Variants in BRME1 observed in about 807,000 individuals in gnomAD.
The protein encoded by BRME1 is break repair meiotic recombinase recruitment factor 1, also known as BRCA2 and MEILB2-associating protein 1.
In BRME1, 31 loss-of-function variants were observed where a neutral mutation model predicts 52.6. The ratio of observed to expected loss-of-function variants is 0.59; its 90% CI spans 0.44 to 0.80. The LOEUF (loss-of-function observed/expected upper bound fraction) is 0.80, where lower values mean the gene tolerates loss of function less well. Among genes scored for constraint, BRME1 ranks in the 30% least tolerant of loss-of-function variants. BRME1 has a pLI of 0.00. For missense variants in BRME1, 804 were observed against 860.3 expected (o/e 0.93, Z 0.82); for synonymous variants, 359 against 353.6 (o/e 1.02, Z -0.17).
At chr19:13,886,958 G>T (rs1407813683) in intron 6 of BRME1, among the ~76,000 whole-genome samples, 1 of 152,042 alleles carries the variant, frequency 6.6e-6, no homozygotes, top group Admixed American at 6.6e-5. Flanking sequence ...ACAGAGCAAG[G>T]CCCTGTCTCT....
intron 2 of BRME1, among the ~76,000 whole-genome samples, chr19:13,897,087 G>C (rs1969959461): frequency 6.8e-6 from 1 of 146,706 alleles, no homozygotes; most frequent in African/African-American, 2.6e-5. Context: ...TCACCAGGCT[G>C]GAGTGCAATG....
rs1969236491 is a variant in BRME1 at position 13,888,947 on chromosome 19, C to A, written c.1668+241G>T. On this transcript the variant is annotated intron_variant, in intron 6 of 8. Transcript: ENST00000586783. This position sits in a 1 kb window ranked among gnomAD's most constrained non-coding sequence, Gnocchi z 4.1. ...GTGGGGGGCCCGGCTGAGAAAGCAG[C>A]TGTGTGTCACCATCCCTAGATATGT... Among the ~76,000 whole-genome samples the A allele has an allele frequency of 6.6e-6, 1 of 152,188 alleles. No homozygotes were observed.
intron 2 of BRME1, among the ~76,000 whole-genome samples, chr19:13,895,762 G>C (rs1969846992): frequency 1.3e-5 from 2 of 152,292 alleles, no homozygotes; most frequent in South Asian, 4.1e-4. Flanking sequence ...ACACCACCAA[G>C]GGCAGACAAG....
Position 13,882,935 on chromosome 19 carries a change from G to C in BRME1, c.1874C>G (p.Thr625Ser). 1 of 1,613,182 alleles carries C rather than the reference G, an allele frequency of 6.2e-7. No homozygotes were observed. Among genetic ancestry groups the C allele is most frequent in the Non-Finnish European group, 8.5e-7 (1 of 1,179,840 alleles). Residue 625 changes from threonine to serine, a missense_variant, in exon 9 of 9, where the codon ACC becomes AGC. By Grantham distance (58) the Thr-to-Ser change is moderately conservative (BLOSUM62 1). This residue lies in a region of BRME1 where 552 missense variants were observed against 561.1 expected (regional missense o/e 0.98). Transcript: ENST00000586783. The part of the protein sequence containing the change: ...LSNLNRLIMG[T>S]HRDLEAFKRL... ...CTTGAAAGCTTCCAGGTCCCGGTGG[G>C]TGCCCATGATCAGCCGGCTGTGGGG...
chr19:13,883,478 C>A lies in BRME1; in HGVS notation c.1764-78G>T. The A allele has an allele frequency of 9.3e-7, 1 of 1,076,614 alleles. No homozygotes were observed. Among genetic ancestry groups the A allele is most frequent in the Non-Finnish European group, 1.4e-6 (1 of 733,712 alleles). 66.7% of individuals were successfully genotyped at this position (1,076,614 alleles called of 1,614,324 possible). ...AGCTCTCCAGTGGGAGGGGCTTCCG[C>A]AGGGCCTCGCGCCATCTTTTCCAGG... is the stretch of plus-strand genomic sequence containing the variant. On this transcript the variant is annotated intron_variant, in intron 7 of 8. Transcript: ENST00000586783. The surrounding 1 kb of genome is among the most constrained non-coding windows in gnomAD (Gnocchi z 4.2).
chr19:13,897,448 C>T (rs887406810), intron 2 of BRME1, among the ~76,000 whole-genome samples: 2 of 152,194 alleles, frequency 1.3e-5, no homozygotes, highest in African/African-American at 4.8e-5. Flanking sequence ...GAGTTCCACA[C>T]CAGATGCTGT....
chr19:13,885,262 G>A (rs2145111996), intron 7 of BRME1: 1 of 152,470 alleles, frequency 6.6e-6, no homozygotes, highest in East Asian at 1.9e-4. Flanking sequence ...ACAGAAACTT[G>A]GCCATAAATA....
Position 13,883,911 on chromosome 19 carries a change from CT to C in BRME1, c.1764-512del, listed in dbSNP as rs762269046. On this transcript the variant is annotated intron_variant, in intron 7 of 8. Coordinates refer to ENST00000586783, the MANE Select transcript of BRME1 (RefSeq NM_001345843.2). This position sits in a 1 kb window ranked among gnomAD's most constrained non-coding sequence, Gnocchi z 4.2. ...CTGATTCCTCCTTACATTTTAACCC[CT>C]TCTCCGCTGCCTTTTTTTCCCCAAC... Among the ~76,000 whole-genome samples the C allele has an allele frequency of 2.8e-4, 42 of 152,196 alleles. No individual in the cohort carries two copies. Among genetic ancestry groups the C allele is most frequent in the Admixed American group, 9.2e-4 (14 of 15,284 alleles).
chr19:13,900,327 G>C (rs959497404), intron 2 of BRME1, among the ~76,000 whole-genome samples: 2 of 152,138 alleles, frequency 1.3e-5, no homozygotes, highest in African/African-American at 4.8e-5. Context: ...ACACAGAAAG[G>C]GTTGTCCAGG....
In BRME1 at chr19:13,886,464, G is replaced by T. The variant is rs34033279; in HGVS notation, c.1669-409C>A. Among the ~76,000 whole-genome samples the T allele has an allele frequency of 8.9e-4, 135 of 152,346 alleles. 4 individuals carry two copies. In the East Asian group the frequency reaches 0.023, roughly 26 times the overall value. On this transcript the variant is annotated intron_variant, in intron 6 of 8. Coordinates refer to ENST00000586783, the MANE Select transcript of BRME1 (RefSeq NM_001345843.2). Reference sequence around the variant, plus strand: ...ACAAAGCGGGGGCAACTGCGGTGAAGTGGAGTCGTCTACCTTGGCTGAATG... The same window carrying T: ...ACAAAGCGGGGGCAACTGCGGTGAATTGGAGTCGTCTACCTTGGCTGAATG...
Position 13,889,980 on chromosome 19 carries a change from C to A in BRME1, c.876G>T (p.Leu292=). 1 of 1,612,818 alleles carries A rather than the reference C, an allele frequency of 6.2e-7. No homozygotes were observed. The highest frequency in any genetic ancestry group is 8.5e-7 in the Non-Finnish European group (1 of 1,179,968). ...GTTCCAGGCACCAAGAGGCAGGGCC[C>A]AGTCCTGGAGCAGGGCCTGAGGTAG... The part of the protein sequence containing the change: ...SAPTSGPAPG[L]GPASWCLEPG... Residue 292 remains leucine, a synonymous_variant, in exon 6 of 9, where the codon CTG becomes CTT. Coordinates refer to ENST00000586783, the MANE Select transcript of BRME1 (RefSeq NM_001345843.2).
chr19:13,895,387 C>T lies in BRME1; in HGVS notation c.191G>A (p.Gly64Glu). 6.2e-7 allele frequency: 1 copy of T among 1,613,240 alleles called. No individual in the cohort carries two copies. The highest frequency in any genetic ancestry group is 8.5e-7 in the Non-Finnish European group (1 of 1,179,828). ...AGCCACCTACCTGGAGACGGCCTTT[C>T]CTGGTTCCTCCCCGTGCTGCTGTGT... ...PSTQQHGEEP[G>E]KAVSSSPDEE... Residue 64 changes from glycine to glutamate, a missense_variant, in exon 3 of 9, where the codon GGA becomes GAA. Gly to Glu is a moderately conservative substitution (Grantham distance 98). This residue lies in a region of BRME1 where 234 missense variants were observed against 258.1 expected (regional missense o/e 0.91). Coordinates refer to ENST00000586783, the MANE Select transcript of BRME1 (RefSeq NM_001345843.2).
In BRME1 at chr19:13,888,305, G is replaced by A. The variant is rs1168339852; in HGVS notation, c.1668+883C>T. On this transcript the variant is annotated intron_variant, in intron 6 of 8. Coordinates refer to ENST00000586783, the MANE Select transcript of BRME1 (RefSeq NM_001345843.2). The surrounding 1 kb of genome is among the most constrained non-coding windows in gnomAD (Gnocchi z 4.1). ...AATTGGACTCTGCGTTCCAGGACGCGGCGGCTGGGGCATGACCTGGGTGCC... is the reference window on the plus strand; with the variant it reads ...AATTGGACTCTGCGTTCCAGGACGCAGCGGCTGGGGCATGACCTGGGTGCC... The A allele has an allele frequency of 2.0e-5, 3 of 152,200 alleles. No individual in the cohort carries two copies. Among genetic ancestry groups the A allele is most frequent in the Non-Finnish European group, 4.4e-5 (3 of 68,132 alleles). 9.4% of individuals were successfully genotyped at this position (152,200 alleles called of 1,614,324 possible).
In BRME1 at chr19:13,882,479, G is replaced by A; in HGVS notation, c.*323C>T. 2.2e-6 allele frequency: 1 copy of A among 464,570 alleles called. No individual in the cohort carries two copies. The highest frequency in any genetic ancestry group is 3.8e-6 in the Non-Finnish European group (1 of 265,190). The allele number at this position is 464,570 out of a possible 1,614,324, so 28.8% of individuals were successfully genotyped here. On this transcript the variant is annotated 3_prime_UTR_variant, in exon 9 of 9. Coordinates refer to ENST00000586783, the MANE Select transcript of BRME1 (RefSeq NM_001345843.2). ...ACAAATTCTGAACCATCCATACTTGGCTCAGGACCCTAAAATTTGCAAATC... is the reference window on the plus strand; with the variant it reads ...ACAAATTCTGAACCATCCATACTTGACTCAGGACCCTAAAATTTGCAAATC...
intron 3 of BRME1, 125 bp downstream of exon 3, chr19:13,895,247 G>A: frequency 1.0e-6 from 1 of 965,406 alleles, no homozygotes; most frequent in Non-Finnish European, 1.5e-6. Flanking sequence ...TGAGCTCTGG[G>A]AGGGAGTGGG....
intron 1 of BRME1, among the ~76,000 whole-genome samples, chr19:13,905,204 C>G (rs1377840319): frequency 6.6e-6 from 1 of 152,102 alleles, no homozygotes; most frequent in East Asian, 1.9e-4. Flanking sequence ...GACCCAGACT[C>G]TGGTCCCTAG....
chr19:13,900,467 G>A (rs1296382954), intron 2 of BRME1, among the ~76,000 whole-genome samples: 2 of 152,168 alleles, frequency 1.3e-5, no homozygotes, highest in Non-Finnish European at 2.9e-5. Context: ...CCTCCAAGCA[G>A]CCTGTTGCTC....
chr19:13,884,886 T>C (rs1968890307), intron 7 of BRME1: 1 of 152,360 alleles, frequency 6.6e-6, no homozygotes, highest in South Asian at 2.1e-4. Flanking sequence ...CTTGTGTGTG[T>C]CATTCAGCCT....
rs1409761865 is a variant in BRME1 at position 13,889,926 on chromosome 19, G to A, written c.930C>T (p.Asp310=). The change falls in exon 6 of 9, where the codon GAC becomes GAT. Residue 310 remains aspartate (D), a synonymous_variant. Transcript: ENST00000586783. ...EPGSVAQGSP[D]PQQTPSRMGR... is the part of the protein sequence containing the mutation. ...CCATCCTGCTGGGGGTCTGCTGGGGGTCAGGGGAGCCCTGGGCCACAGACC... is the reference window on the plus strand; with the variant it reads ...CCATCCTGCTGGGGGTCTGCTGGGGATCAGGGGAGCCCTGGGCCACAGACC... 9.3e-6 allele frequency: 15 copies of A among 1,612,582 alleles called. No homozygotes were observed. Among genetic ancestry groups the A allele is most frequent in the Non-Finnish European group, 1.3e-5 (15 of 1,179,986 alleles).
Sources: gnomAD v4.1 joint callset for allele counts (sites outside exome capture counted in the v4.1 genomes callset) on GRCh38, gnomAD v4.1.1 for gene constraint, gnomAD v4.1.1 regional missense constraint, Gnocchi (gnomAD v3.1) non-coding constraint, MANE v1.5 for transcripts, NCBI Gene and HGNC (gene_info 2026-07-23, HGNC 2026-07-21) for gene names.